The following IFTAP variants were observed in gnomAD, a reference collection of about 807,000 sequenced individuals.
IFTAP encodes the protein intraflagellar transport-associated protein.
Under a neutral mutation model 19.4 loss-of-function variants are expected in IFTAP, and 19 were observed. That is an observed-to-expected ratio of 0.98 (90% CI 0.68 to 1.44). IFTAP has a LOEUF of 1.44. IFTAP is among the 40% of genes most tolerant of loss of function. The pLI, the probability that IFTAP is intolerant of heterozygous loss-of-function variation, is 0.00. For missense variants in IFTAP, 240 were observed against 253.6 expected (o/e 0.95, Z 0.36); for synonymous variants, 85 against 83.5 (o/e 1.02, Z -0.10).
At chr11:36,623,495 A>G (rs913844834) in intron 2 of IFTAP, among the ~76,000 whole-genome samples, 1 of 152,148 alleles carries the variant, frequency 6.6e-6, no homozygotes, top group Non-Finnish European at 1.5e-5. Context: ...TTTTACTGTG[A>G]TCTTGCTGAT....
At chr11:36,648,813 G>T (rs1339129187) in intron 5 of IFTAP, among the ~76,000 whole-genome samples, 1 of 152,130 alleles carries the variant, frequency 6.6e-6, no homozygotes, top group African/African-American at 2.4e-5. Flanking sequence ...CTTAATGTCG[G>T]CTCACATTCC....
intron 1 of IFTAP, among the ~76,000 whole-genome samples, chr11:36,596,222 G>GTTTTTT (rs67282079): frequency 5.1e-5 from 6 of 118,366 alleles, no homozygotes; most frequent in African/African-American, 1.2e-4. Flanking sequence ...TTTTTTTTTT[G>GTTTTTT]TTTTTTTTTT....
chr11:36,622,017 T>C (rs1417275948), intron 2 of IFTAP, among the ~76,000 whole-genome samples: 1 of 151,878 alleles, frequency 6.6e-6, no homozygotes, highest in Non-Finnish European at 1.5e-5. Context: ...AAAATAACAA[T>C]AAGAATGATT....
intron 5 of IFTAP, among the ~76,000 whole-genome samples, chr11:36,649,812 G>A (rs1853635853): frequency 6.6e-6 from 1 of 152,032 alleles, no homozygotes; most frequent in African/African-American, 2.4e-5. Flanking sequence ...GTAACATCTT[G>A]GTTGGGAATT....
chr11:36,606,461 A>C (rs1851696504), intron 1 of IFTAP, among the ~76,000 whole-genome samples: 1 of 151,924 alleles, frequency 6.6e-6, no homozygotes, highest in Non-Finnish European at 1.5e-5. Context: ...AAATAAATAA[A>C]TAGTCAATAA....
intron 1 of IFTAP, among the ~76,000 whole-genome samples, chr11:36,605,012 C>T (rs1851641714): frequency 6.6e-6 from 1 of 150,914 alleles, no homozygotes; most frequent in Admixed American, 6.6e-5. Flanking sequence ...TCTGTGCAGC[C>T]TATTAAATCT....
intron 5 of IFTAP, among the ~76,000 whole-genome samples, chr11:36,657,482 T>C (rs1297303080): frequency 1.3e-5 from 2 of 152,008 alleles, no homozygotes; most frequent in East Asian, 3.9e-4. Flanking sequence ...TTGAGTACAG[T>C]TTTCTAATGG....
intron 2 of IFTAP, among the ~76,000 whole-genome samples, chr11:36,617,011 A>C (rs1301056965): frequency 6.6e-6 from 1 of 151,840 alleles, no homozygotes; most frequent in Admixed American, 6.6e-5. Context: ...AAAATTTACT[A>C]TCTGAATTGA....
At chr11:36,621,269 A>G (rs1852280047) in intron 2 of IFTAP, among the ~76,000 whole-genome samples, 1 of 152,046 alleles carries the variant, frequency 6.6e-6, no homozygotes, top group Non-Finnish European at 1.5e-5. Flanking sequence ...ATGTTCTTTT[A>G]GCCGTGAAAC....
At chr11:36,633,095 T>C (rs373127579) in intron 2 of IFTAP, among the ~76,000 whole-genome samples, 189 bp from the exon 3 acceptor site, 5 of 151,304 alleles carry the variant, frequency 3.3e-5, no homozygotes, top group African/African-American at 1.2e-4. Context: ...AGTGACATAA[T>C]GTTATCTTTC....
intron 5 of IFTAP, among the ~76,000 whole-genome samples, chr11:36,655,657 T>C (rs963269690): frequency 6.6e-6 from 1 of 152,212 alleles, no homozygotes; most frequent in Non-Finnish European, 1.5e-5. Flanking sequence ...TAGAGTGTCC[T>C]GAATGTCATG....
chr11:36,597,546 C>T (rs1262894075), intron 1 of IFTAP: 2 of 152,210 alleles, frequency 1.3e-5, no homozygotes, highest in Non-Finnish European at 2.9e-5. Context: ...TTTATTCTCT[C>T]TGATGCTAGG....
chr11:36,633,302 G>A lies in IFTAP; in HGVS notation c.155G>A (p.Arg52Lys). ...ATTTCAGAGGATCATGTGTCCAAAAGGGGAGTGTTTGGAACTGATTCTTCA... is the reference window on the plus strand; with the variant it reads ...ATTTCAGAGGATCATGTGTCCAAAAAGGGAGTGTTTGGAACTGATTCTTCA... Reference protein sequence around the residue: ...HLSQEDHVSKRGVFGTDSSEN... With the variant: ...HLSQEDHVSKKGVFGTDSSEN... Residue 52 changes from arginine to lysine, a missense_variant, in exon 3 of 6, where the codon AGG becomes AAG. Arg to Lys is a conservative substitution (Grantham distance 26). Transcript: ENST00000334307. The A allele has an allele frequency of 6.4e-7, 1 of 1,568,884 alleles. No individual in the cohort carries two copies. Among genetic ancestry groups the A allele is most frequent in the Non-Finnish European group, 8.6e-7 (1 of 1,160,844 alleles).
chr11:36,637,926 G>A (rs911474569), intron 4 of IFTAP, among the ~76,000 whole-genome samples: 3 of 150,818 alleles, frequency 2.0e-5, no homozygotes, highest in Non-Finnish European at 4.4e-5. Context: ...TGTCGCCCAG[G>A]CTGGAGTGCA....
intron 5 of IFTAP, chr11:36,648,459 T>C (rs1240461582): frequency 4.4e-6 from 1 of 226,664 alleles, no homozygotes; most frequent in African/African-American, 2.3e-5. Flanking sequence ...CTTTTTAGTT[T>C]GAACTGGCCG....
At chr11:36,653,035 A>G (rs1853814334) in intron 5 of IFTAP, among the ~76,000 whole-genome samples, 1 of 151,996 alleles carries the variant, frequency 6.6e-6, no homozygotes, top group Non-Finnish European at 1.5e-5. Context: ...CATAGAAGAA[A>G]CTTGTGTGGT....
At chr11:36,628,242 A>G (rs74886050) in intron 2 of IFTAP, among the ~76,000 whole-genome samples, 4 of 150,968 alleles carry the variant, frequency 2.6e-5, no homozygotes, top group East Asian at 3.9e-4. Flanking sequence ...TGTGTCCCCA[A>G]ATCTTCCTGG....
intron 2 of IFTAP, among the ~76,000 whole-genome samples, chr11:36,612,835 T>A (rs1210876137): frequency 6.6e-6 from 1 of 152,050 alleles, no homozygotes. Flanking sequence ...CTGGAAAAAA[T>A]TAAATTATAG....
At chr11:36,630,056 A>G (rs1852671844) in intron 2 of IFTAP, among the ~76,000 whole-genome samples, 1 of 151,204 alleles carries the variant, frequency 6.6e-6, no homozygotes, top group African/African-American at 2.5e-5. Context: ...AAAAACAGAA[A>G]CAGAAGAAGA....
Sources: gnomAD v4.1 joint callset for allele counts (sites outside exome capture counted in the v4.1 genomes callset) on GRCh38, gnomAD v4.1.1 for gene constraint, MANE v1.5 for transcripts, NCBI Gene and HGNC (gene_info 2026-07-23, HGNC 2026-07-21) for gene names.